DNAJC1: variants seen among roughly 807,000 people sequenced by gnomAD.
The protein encoded by DNAJC1 is DnaJ heat shock protein family (Hsp40) member C1.
In DNAJC1, 58 loss-of-function variants were observed where a neutral mutation model predicts 76.6. The ratio of observed to expected loss-of-function variants is 0.76; its 90% CI spans 0.61 to 0.94. DNAJC1 has a LOEUF of 0.94. Ranked by LOEUF, DNAJC1 falls within the 40% of genes least tolerant of loss-of-function variation. DNAJC1 has a pLI of 0.00. For synonymous variants in DNAJC1, 258 were observed against 267.9 expected (o/e 0.96, Z 0.36); for missense variants, 689 against 677.3 (o/e 1.02, Z -0.19).
chr10:21,968,830 G>T (rs1035253589), intron 1 of DNAJC1, among the ~76,000 whole-genome samples: 1 of 152,098 alleles, frequency 6.6e-6, no homozygotes, highest in Admixed American at 6.5e-5. Flanking sequence ...GAAATTGATG[G>T]CATATTACAA....
At chr10:21,828,248 T>C (rs555706821) in intron 8 of DNAJC1, among the ~76,000 whole-genome samples, 1 of 152,322 alleles carries the variant, frequency 6.6e-6, no homozygotes, top group East Asian at 1.9e-4. Flanking sequence ...GCCAGATCAC[T>C]TATATCCCAT....
intron 1 of DNAJC1, among the ~76,000 whole-genome samples, chr10:21,975,987 G>A (rs1370859827): frequency 6.6e-6 from 1 of 152,166 alleles, no homozygotes; most frequent in Non-Finnish European, 1.5e-5. Context: ...AACATATTTA[G>A]ATGGGCAAAA....
At chr10:21,833,145 T>C (rs980659489) in intron 8 of DNAJC1, among the ~76,000 whole-genome samples, 3 of 152,236 alleles carry the variant, frequency 2.0e-5, no homozygotes, top group Non-Finnish European at 4.4e-5. Context: ...TGTCTGACCT[T>C]TTCAACTACA....
At chr10:21,797,026 C>T (rs1387383016) in intron 9 of DNAJC1, among the ~76,000 whole-genome samples, 3 of 152,038 alleles carry the variant, frequency 2.0e-5, no homozygotes, top group African/African-American at 7.2e-5. Flanking sequence ...ACTGTGAAGA[C>T]CAATGTCATG....
chr10:21,800,740 A>G (rs1292518999), intron 9 of DNAJC1, among the ~76,000 whole-genome samples: 1 of 152,258 alleles, frequency 6.6e-6, no homozygotes, highest in Non-Finnish European at 1.5e-5. Flanking sequence ...CTAGAATGAT[A>G]TACAACGTTT....
At chr10:21,930,746 C>A (rs1422166097) in intron 1 of DNAJC1, among the ~76,000 whole-genome samples, 2 of 152,124 alleles carry the variant, frequency 1.3e-5, no homozygotes, top group African/African-American at 4.8e-5. Flanking sequence ...ACATAGACTA[C>A]AGATAATGTG....
intron 1 of DNAJC1, among the ~76,000 whole-genome samples, chr10:21,954,757 A>G (rs532811774): frequency 6.6e-6 from 1 of 152,320 alleles, no homozygotes; most frequent in African/African-American, 2.4e-5. Context: ...AGCTTATCAC[A>G]TAATAAATGT....
At chr10:21,890,970 C>T (rs556341899) in intron 7 of DNAJC1, among the ~76,000 whole-genome samples, 1 of 152,250 alleles carries the variant, frequency 6.6e-6, no homozygotes, top group South Asian at 2.1e-4. Flanking sequence ...GTGGGCAGAT[C>T]ACCTGAGGTC....
At chr10:21,837,372 A>G (rs1835479274) in intron 8 of DNAJC1, among the ~76,000 whole-genome samples, 2 of 148,242 alleles carry the variant, frequency 1.3e-5, no homozygotes, top group South Asian at 2.2e-4. Context: ...CTGGCCGCCC[A>G]TCGTCTGGGA....
At chr10:21,981,408 T>A (rs760873233) in intron 1 of DNAJC1, among the ~76,000 whole-genome samples, 1 of 152,206 alleles carries the variant, frequency 6.6e-6, no homozygotes, top group Non-Finnish European at 1.5e-5. Context: ...AGCAGTCATA[T>A]CTGATTGGAA....
intron 1 of DNAJC1, among the ~76,000 whole-genome samples, chr10:21,968,340 A>G (rs1278034242): frequency 1.3e-5 from 2 of 152,262 alleles, no homozygotes; most frequent in East Asian, 3.9e-4. Flanking sequence ...CTTATAAGAT[A>G]AGGGCTTCTT....
At chr10:21,875,104 C>T (rs970933602) in intron 8 of DNAJC1, among the ~76,000 whole-genome samples, 3 of 152,148 alleles carry the variant, frequency 2.0e-5, no homozygotes, top group Non-Finnish European at 4.4e-5. Flanking sequence ...TGGTCTTGAA[C>T]TCCTGACCTC....
At chr10:21,997,113 A>G (rs966160015) in intron 1 of DNAJC1, among the ~76,000 whole-genome samples, 1 of 152,208 alleles carries the variant, frequency 6.6e-6, no homozygotes, top group African/African-American at 2.4e-5. Flanking sequence ...CCACAAGCTC[A>G]GTGGATTCCA....
chr10:21,837,675 C>A (rs1490650244), intron 8 of DNAJC1, among the ~76,000 whole-genome samples: 1 of 151,202 alleles, frequency 6.6e-6, no homozygotes, highest in Admixed American at 6.6e-5. Flanking sequence ...CTCCGCCCGG[C>A]AGCCGCCCCG....
chr10:21,772,975 G>A (rs1032043861), intron 9 of DNAJC1, among the ~76,000 whole-genome samples: 3 of 152,062 alleles, frequency 2.0e-5, no homozygotes, highest in African/African-American at 4.8e-5. Context: ...GGGAAATGGT[G>A]CATACTTTTA....
At chr10:21,811,719 C>T (rs1834969209) in intron 8 of DNAJC1, among the ~76,000 whole-genome samples, 1 of 152,078 alleles carries the variant, frequency 6.6e-6, no homozygotes, top group African/African-American at 2.4e-5. Context: ...TGGGTTGCTG[C>T]TAGCTTTCAT....
At chr10:21,845,739 A>G (rs1443732999) in intron 8 of DNAJC1, among the ~76,000 whole-genome samples, 1 of 152,154 alleles carries the variant, frequency 6.6e-6, no homozygotes, top group East Asian at 1.9e-4. Context: ...CTCCAAGGCA[A>G]TTGTTTTAAT....
In DNAJC1 at chr10:21,846,176, T is replaced by C. The variant is rs76428805; in HGVS notation, c.978+36106A>G. On this transcript the variant is annotated intron_variant, in intron 8 of 11. Coordinates refer to ENST00000376980, the MANE Select transcript of DNAJC1 (RefSeq NM_022365.4). ...CTCACATAGTTGATGTAAGGCTTAATTGAGGTAGTTTGCGTACAATGTCTG... is the reference window on the plus strand; with the variant it reads ...CTCACATAGTTGATGTAAGGCTTAACTGAGGTAGTTTGCGTACAATGTCTG... 5.4e-3 allele frequency among the ~76,000 whole-genome samples: 828 copies of C among 152,296 alleles called. 7 individuals are homozygous for C. Among genetic ancestry groups the C allele is most frequent in the African/African-American group, 0.019 (788 of 41,568 alleles).
intron 1 of DNAJC1, among the ~76,000 whole-genome samples, chr10:21,954,901 G>A (rs562026010): frequency 2.0e-5 from 3 of 152,226 alleles, no homozygotes; most frequent in Non-Finnish European, 2.9e-5. Context: ...TACAAAACCC[G>A]AGCAGTGTGC....
Sources: gnomAD v4.1 joint callset for allele counts (sites outside exome capture counted in the v4.1 genomes callset) on GRCh38, gnomAD v4.1.1 for gene constraint, MANE v1.5 for transcripts, NCBI Gene and HGNC (gene_info 2026-07-23, HGNC 2026-07-21) for gene names.